The following LRRIQ3 variants were observed in gnomAD, a reference collection of about 807,000 sequenced individuals.
The protein encoded by LRRIQ3 is leucine rich repeats and IQ motif containing 3.
In LRRIQ3, 75 loss-of-function variants were observed where a neutral mutation model predicts 59.3. The ratio of observed to expected loss-of-function variants is 1.26; its 90% CI spans 1.05 to 1.53. The LOEUF (loss-of-function observed/expected upper bound fraction) is 1.53. Ranked by LOEUF, LRRIQ3 falls within the 40% of genes most tolerant of loss-of-function variation. The pLI, the probability that LRRIQ3 is intolerant of heterozygous loss-of-function variation, is 0.00. For missense variants in LRRIQ3, 831 were observed against 710.0 expected, an observed-to-expected ratio of 1.17 and a Z score of -1.94; for synonymous variants, 250 against 231.3, an observed-to-expected ratio of 1.08 and a Z score of -0.73.
chr1:74,061,317 T>C (rs904719490), intron 6 of LRRIQ3, among the ~76,000 whole-genome samples: 1 of 152,168 alleles, frequency 6.6e-6, no homozygotes, highest in African/African-American at 2.4e-5. Flanking sequence ...TCCATGTTCA[T>C]TGATAGGAAG....
intron 5 of LRRIQ3, among the ~76,000 whole-genome samples, chr1:74,084,789 C>T (rs926172303): frequency 6.6e-6 from 1 of 151,614 alleles, no homozygotes; most frequent in African/African-American, 2.4e-5. Context: ...TTTTAATTTT[C>T]TTTAATAACC....
At chr1:74,098,550 A>G (rs1046236075) in intron 5 of LRRIQ3, among the ~76,000 whole-genome samples, 3 of 152,140 alleles carry the variant, frequency 2.0e-5, no homozygotes, top group East Asian at 1.9e-4. Context: ...TGCACCAAGC[A>G]GACCTAATAG....
At chr1:74,185,561 T>G (rs79341224) in intron 1 of LRRIQ3, among the ~76,000 whole-genome samples, 3,183 of 152,296 alleles carry the variant, frequency 0.021, 109 homozygotes, top group African/African-American at 0.072. Flanking sequence ...GTCAGATATG[T>G]GTTTTCCAAA....
At chr1:74,037,141 T>C (rs1433367664) in intron 7 of LRRIQ3, among the ~76,000 whole-genome samples, 1 of 152,180 alleles carries the variant, frequency 6.6e-6, no homozygotes, top group African/African-American at 2.4e-5. Context: ...GAAATGTGTG[T>C]TGAATAAATT....
intron 4 of LRRIQ3, among the ~76,000 whole-genome samples, chr1:74,135,764 A>C (rs1269553220): frequency 1.3e-5 from 2 of 151,944 alleles, no homozygotes; most frequent in Non-Finnish European, 2.9e-5. Flanking sequence ...CATAGCTGTA[A>C]ATGCCTATAT....
At chr1:74,147,362 T>G (rs1647643580) in intron 4 of LRRIQ3, among the ~76,000 whole-genome samples, 1 of 152,222 alleles carries the variant, frequency 6.6e-6, no homozygotes, top group South Asian at 2.1e-4. Flanking sequence ...TTTTCTCTTT[T>G]TATCTACTCT....
rs1653524633 is a variant in LRRIQ3, at chr1:74,026,656, A to G, written c.*157T>C. ...TAAGTTAAATTATGACCAATAAGAG[A>G]AACATTTTAACTAATCTTTATATTT... On this transcript the variant is annotated 3_prime_UTR_variant, in exon 8 of 8. Transcript: ENST00000354431. 2 of 613,120 alleles carry G rather than the reference A, an allele frequency of 3.3e-6. No individual in the cohort carries two copies. Among genetic ancestry groups the G allele is most frequent in the Admixed American group, 3.9e-5 (1 of 25,524 alleles). 38.0% of individuals were successfully genotyped at this position (613,120 alleles called of 1,614,324 possible). A position where few individuals can be genotyped will look rare whatever the true frequency, so the allele number is the denominator to read the frequency against.
intron 2 of LRRIQ3, 98 bp from the exon 3 acceptor site, chr1:74,182,959 C>A (rs1650090351): frequency 6.4e-6 from 4 of 627,306 alleles, no homozygotes; most frequent in Non-Finnish European, 1.0e-5. Context: ...CAATATTCCC[C>A]AAATAGCAAG....
At chr1:74,047,307 C>T (rs1272100616) in intron 6 of LRRIQ3, among the ~76,000 whole-genome samples, 1 of 152,070 alleles carries the variant, frequency 6.6e-6, no homozygotes, top group Admixed American at 6.6e-5. Flanking sequence ...ATGGATGACA[C>T]TGGAAACCAT....
chr1:74,041,360 T>G lies in LRRIQ3; in HGVS notation c.1571A>C (p.Glu524Ala), dbSNP rs761898264. The change falls in exon 7 of 8, where the codon GAG (glutamate) becomes GCG (alanine). Residue 524 changes from glutamate to alanine, a missense_variant. By Grantham distance (107) the Glu-to-Ala change is moderately radical (BLOSUM62 -1). Coordinates refer to ENST00000354431, the MANE Select transcript of LRRIQ3 (RefSeq NM_001105659.2). ...ERLLVQNLNNERTLLTRGLLK... is the reference protein window; with the variant it reads ...ERLLVQNLNNARTLLTRGLLK... ...TAGTCCTCTGGTCAAAAGAGTGCGCTCATTATTTAAGTTTTGAACTAATAA... is the reference window on the plus strand; with the variant it reads ...TAGTCCTCTGGTCAAAAGAGTGCGCGCATTATTTAAGTTTTGAACTAATAA... 2 of 1,613,906 alleles carry G rather than the reference T, an allele frequency of 1.2e-6. No homozygotes were observed. Among genetic ancestry groups the G allele is most frequent in the South Asian group, 2.2e-5 (2 of 91,076 alleles).
chr1:74,072,965 T>G (rs1655068592), intron 6 of LRRIQ3, among the ~76,000 whole-genome samples: 1 of 152,108 alleles, frequency 6.6e-6, no homozygotes. Context: ...GGCTCTTAAT[T>G]TAGAATTTTT....
intron 4 of LRRIQ3, among the ~76,000 whole-genome samples, chr1:74,120,358 C>T (rs1042107817): frequency 4.6e-5 from 7 of 151,820 alleles, no homozygotes; most frequent in Admixed American, 2.6e-4. Context: ...CCTTGTGATC[C>T]GCCCACCTCG....
intron 1 of LRRIQ3, among the ~76,000 whole-genome samples, chr1:74,188,472 T>C (rs1650551925): frequency 6.6e-6 from 1 of 152,176 alleles, no homozygotes; most frequent in African/African-American, 2.4e-5. Flanking sequence ...GTTAATGAAA[T>C]GTGCTAACCT....
intron 1 of LRRIQ3, among the ~76,000 whole-genome samples, chr1:74,185,474 G>T (rs1426508293): frequency 6.6e-6 from 1 of 152,004 alleles, no homozygotes; most frequent in Non-Finnish European, 1.5e-5. Flanking sequence ...CAGATCTTTT[G>T]TCCATTATAT....
intron 5 of LRRIQ3, chr1:74,083,998 T>C: frequency 2.1e-6 from 1 of 476,232 alleles, no homozygotes. Context: ...TTTTAAAGTG[T>C]TAATAAATGC....
intron 1 of LRRIQ3, among the ~76,000 whole-genome samples, chr1:74,184,365 T>C (rs978869577): frequency 1.3e-5 from 2 of 152,140 alleles, no homozygotes; most frequent in Admixed American, 1.3e-4. Context: ...ATGTGAATTT[T>C]CACTTATTAA....
intron 6 of LRRIQ3, among the ~76,000 whole-genome samples, chr1:74,057,563 A>T (rs1654574005): frequency 6.6e-6 from 1 of 152,088 alleles, no homozygotes; most frequent in Admixed American, 6.6e-5. Flanking sequence ...ATGAAACTAG[A>T]CCCCTATCTC....
intron 4 of LRRIQ3, among the ~76,000 whole-genome samples, chr1:74,127,632 TTAAC>T (rs1646955427): frequency 6.6e-6 from 1 of 151,962 alleles, no homozygotes; most frequent in Admixed American, 6.6e-5. Flanking sequence ...CTTCTGCTTT[TTAAC>T]TTTTTGTTGC....
chr1:74,101,423 G>C (rs1314380843), intron 5 of LRRIQ3, among the ~76,000 whole-genome samples: 1 of 152,150 alleles, frequency 6.6e-6, no homozygotes, highest in African/African-American at 2.4e-5. Context: ...GTGCCAGAGA[G>C]GATGTGGAGA....
Sources: gnomAD v4.1 joint callset for allele counts (sites outside exome capture counted in the v4.1 genomes callset) on GRCh38, gnomAD v4.1.1 for gene constraint, MANE v1.5 for transcripts, NCBI Gene and HGNC (gene_info 2026-07-23, HGNC 2026-07-21) for gene names.